The following RAD21L1 variants were observed in gnomAD, a reference collection of about 807,000 sequenced individuals.
The protein encoded by RAD21L1 is RAD21 cohesin complex component like 1.
A neutral mutation model predicts 69.0 loss-of-function variants in RAD21L1; 47 were observed. The ratio of observed to expected loss-of-function variants is 0.68; its 90% CI spans 0.54 to 0.87. The LOEUF (loss-of-function observed/expected upper bound fraction) is 0.87, where lower values mean the gene tolerates loss of function less well. Among genes scored for constraint, RAD21L1 ranks in the 40% least tolerant of loss-of-function variants. The pLI is 0.00. For synonymous variants in RAD21L1, 177 were observed against 205.8 expected (o/e 0.86, Z 1.20); for missense variants, 583 against 647.6 (o/e 0.90, Z 1.08).
chr20:1,254,142 AT>A (rs2087888273), intron 13 of RAD21L1, 126 bp from the exon 14 acceptor site: 2 of 615,586 alleles, frequency 3.2e-6, no homozygotes, highest in African/African-American at 3.7e-5. Flanking sequence ...CCCTTTTTCC[AT>A]TTAAGGATTT....
chr20:1,243,178 G>T lies in RAD21L1; in HGVS notation c.1165G>T (p.Gly389Ter). 1 of 1,521,234 alleles carries T rather than the reference G, an allele frequency of 6.6e-7. No individual in the cohort carries two copies. Among genetic ancestry groups the T allele is most frequent in the Non-Finnish European group, 8.9e-7 (1 of 1,127,530 alleles). The allele number at this position is 1,521,234 out of a possible 1,614,324, so 94.2% of individuals were successfully genotyped here. Residue 389 changes from glycine to a stop codon, truncating the protein, a stop_gained, in exon 10 of 14, where the codon GGA becomes TGA. Transcript: ENST00000683101. LOFTEE classifies it high-confidence loss of function. ...GAAGGAGTCAGTAAGGGAAGAAGTG[G>T]GAAACCAAAATATAGTAGGTGAGAC... ...IQKESVREEV[G>*]NQNIVETSMM... is the part of the protein sequence containing the mutation.
chr20:1,230,880 A>G (rs1325901551), intron 3 of RAD21L1: 1 of 222,956 alleles, frequency 4.5e-6, no homozygotes, highest in African/African-American at 2.3e-5. Flanking sequence ...GGATATAAAG[A>G]CAAACAAGAT....
At chr20:1,237,393 A>G (rs1407453109) in intron 5 of RAD21L1, among the ~76,000 whole-genome samples, 1 of 152,182 alleles carries the variant, frequency 6.6e-6, no homozygotes. Flanking sequence ...TGTGCAAGTT[A>G]CAAAACCTTT....
intron 2 of RAD21L1, 104 bp downstream of exon 2, chr20:1,228,701 A>G: frequency 1.2e-6 from 1 of 841,020 alleles, no homozygotes; most frequent in Non-Finnish European, 1.8e-6. Flanking sequence ...AGGAAGTTTT[A>G]CTTGTCAAAT....
At chr20:1,238,333 A>G in intron 6 of RAD21L1, 119 bp downstream of exon 6, 2 of 703,444 alleles carry the variant, frequency 2.8e-6, no homozygotes, top group Admixed American at 3.6e-5. Flanking sequence ...ATGTAGGTCA[A>G]TACTTTTTTT....
chr20:1,228,029 A>G (rs1265695533), intron 1 of RAD21L1, among the ~76,000 whole-genome samples: 1 of 152,186 alleles, frequency 6.6e-6, no homozygotes, highest in Non-Finnish European at 1.5e-5. Flanking sequence ...GCCCTGTATT[A>G]GCTTTTCTTG....
At chr20:1,239,494 T>A in intron 7 of RAD21L1, 87 bp downstream of exon 7, 1 of 686,852 alleles carries the variant, frequency 1.5e-6, no homozygotes, top group Non-Finnish European at 2.5e-6. Flanking sequence ...CAATATAGTA[T>A]AGTGAAAGAT....
chr20:1,234,935 G>A (rs895890814), intron 5 of RAD21L1, among the ~76,000 whole-genome samples: 1 of 152,066 alleles, frequency 6.6e-6, no homozygotes, highest in Non-Finnish European at 1.5e-5. Context: ...TAAAGACAGG[G>A]TCTTGCTATG....
At chr20:1,247,641 G>C (rs2087742413) in intron 12 of RAD21L1, among the ~76,000 whole-genome samples, 1 of 152,122 alleles carries the variant, frequency 6.6e-6, no homozygotes, top group East Asian at 1.9e-4. Context: ...TAGCTCCCAG[G>C]CTTAGTCAAA....
At position 1,238,191 on chromosome 20, in the gene RAD21L1, A is replaced by C; in HGVS notation, c.623A>C (p.Glu208Ala). Residue 208 changes from glutamate (E) to alanine (A), a missense_variant, in exon 6 of 14, where the codon GAA becomes GCA. Transcript: ENST00000683101. ...FYDSGDGFGD[E>A]GAAGEMIDNL... ...GACAGTGGAGATGGGTTTGGAGATG[A>C]AGGAGCTGCAGGAGAAATGATTGGT... 1 of 1,520,366 alleles carries C rather than the reference A, an allele frequency of 6.6e-7. No homozygotes were observed. Among genetic ancestry groups the C allele is most frequent in the Non-Finnish European group, 8.9e-7 (1 of 1,127,362 alleles). The allele number at this position is 1,520,366 out of a possible 1,614,324, so 94.2% of individuals were successfully genotyped here.
In RAD21L1 at chr20:1,231,702, T is replaced by G; in HGVS notation, c.368+83T>G. The G allele has an allele frequency of 8.2e-6, 6 of 732,784 alleles. No individual in the cohort carries two copies. The South Asian group carries it at 1.1e-4, about 13-fold the overall frequency. The allele number at this position is 732,784 out of a possible 1,614,324, so 45.4% of individuals were successfully genotyped here. ...TCAAATTTAATTGAGTCAAATGGAA[T>G]GTAGTTAACAACTGCACAAGTACAG... On this transcript the variant is annotated intron_variant, in intron 4 of 13. Coordinates refer to ENST00000683101, the MANE Select transcript of RAD21L1 (RefSeq NM_001384355.1).
In RAD21L1 at chr20:1,254,444, T is replaced by C. The variant is rs764012119; in HGVS notation, c.1655T>C (p.Phe552Ser). The change falls in exon 14 of 14, where the codon TTT (phenylalanine) becomes TCT (serine). Residue 552 changes from phenylalanine to serine, a missense_variant. Phe to Ser is a radical substitution (Grantham distance 155, BLOSUM62 -2). Transcript: ENST00000683101. Reference protein sequence around the residue: ...ADIIATMGPMFYNI With the variant: ...ADIIATMGPMSYNI ...ATTATAGCTACGATGGGACCAATGT[T>C]TTATAACATATGAAGGAAACCCAGA... The C allele has an allele frequency of 2.8e-5, 43 of 1,527,886 alleles. No individual in the cohort carries two copies. Among genetic ancestry groups the C allele is most frequent in the Non-Finnish European group, 3.8e-5 (43 of 1,133,398 alleles). 94.6% of individuals were successfully genotyped at this position (1,527,886 alleles called of 1,614,324 possible). A position where few individuals can be genotyped will look rare whatever the true frequency, so the allele number is the denominator to read the frequency against.
chr20:1,249,581 C>T (rs2087785830), intron 13 of RAD21L1, among the ~76,000 whole-genome samples: 1 of 152,150 alleles, frequency 6.6e-6, no homozygotes, highest in Non-Finnish European at 1.5e-5. Flanking sequence ...ACAAAATTTC[C>T]TTTAAGAGTA....
chr20:1,229,045 G>T (rs879526933), intron 2 of RAD21L1, among the ~76,000 whole-genome samples: 1 of 152,190 alleles, frequency 6.6e-6, no homozygotes, highest in Non-Finnish European at 1.5e-5. Context: ...TTGCATTACA[G>T]CATTTAATAT....
At chr20:1,233,865 CTGTT>C (rs898453151) in intron 4 of RAD21L1, among the ~76,000 whole-genome samples, 10 of 152,260 alleles carry the variant, frequency 6.6e-5, no homozygotes, top group African/African-American at 2.4e-4. Context: ...AAGTCAAGTG[CTGTT>C]TGTTTGTGCA....
intron 2 of RAD21L1, among the ~76,000 whole-genome samples, 193 bp from the exon 3 acceptor site, chr20:1,229,687 A>G (rs2087350732): frequency 6.6e-6 from 1 of 152,238 alleles, no homozygotes; most frequent in Non-Finnish European, 1.5e-5. Context: ...TAAATGCCAT[A>G]TTAGATTAAC....
At position 1,254,665 on chromosome 20, in the gene RAD21L1, T is replaced by TG. The variant is rs1043653695; in HGVS notation, c.*208_*209insG. On this transcript the variant is annotated 3_prime_UTR_variant, in exon 14 of 14. Transcript: ENST00000683101. Reference sequence around the variant, plus strand: ...AAATACTTTAAATTCTGTTTTGTTTTTTTTTGTTGTTTTTTTAAGGACAAA... The same window carrying TG: ...AAATACTTTAAATTCTGTTTTGTTTTGTTTTTGTTGTTTTTTTAAGGACAAA... Among the ~76,000 whole-genome samples, 39 of 152,040 alleles carry TG rather than the reference T, an allele frequency of 2.6e-4. No homozygotes were observed. Among genetic ancestry groups the TG allele is most frequent in the African/African-American group, 6.8e-4 (28 of 41,456 alleles).
intron 13 of RAD21L1, among the ~76,000 whole-genome samples, chr20:1,250,815 G>A (rs1391516464): frequency 6.6e-6 from 1 of 152,160 alleles, no homozygotes; most frequent in Non-Finnish European, 1.5e-5. Context: ...TTATGGTTTT[G>A]TAATATTTTA....
chr20:1,242,503 G>T, intron 8 of RAD21L1, 116 bp from the exon 9 acceptor site: 1 of 774,586 alleles, frequency 1.3e-6, no homozygotes, highest in Non-Finnish European at 2.2e-6. Context: ...GAAGTGCTAG[G>T]ATTACAGGCA....
Sources: gnomAD v4.1 joint callset for allele counts (sites outside exome capture counted in the v4.1 genomes callset) on GRCh38, gnomAD v4.1.1 for gene constraint, MANE v1.5 for transcripts, NCBI Gene and HGNC (gene_info 2026-07-23, HGNC 2026-07-21) for gene names.